XRN2: variants seen among roughly 807,000 people sequenced by gnomAD.
XRN2 encodes the protein 5'-3' exoribonuclease 2.
XRN2 carries 44 observed loss-of-function variants against 138.5 expected under a neutral mutation model. That is an observed-to-expected ratio of 0.32 (90% confidence interval 0.25 to 0.41). The LOEUF is 0.41. Among genes scored for constraint, XRN2 ranks in the 10% least tolerant of loss-of-function variants. The pLI is 1.00. For synonymous variants in XRN2, 354 were observed against 369.4 expected, an observed-to-expected ratio of 0.96 and a Z score of 0.48; for missense variants, 937 against 1,169.3, an observed-to-expected ratio of 0.80 and a Z score of 2.90.
chr20:21,357,966 T>C (rs757716317), intron 24 of XRN2, among the ~76,000 whole-genome samples, 174 bp downstream of exon 24: 1 of 152,232 alleles, frequency 6.6e-6, no homozygotes, highest in Non-Finnish European at 1.5e-5. Flanking sequence ...CTCTAAATTA[T>C]GTATATTGTT....
At chr20:21,338,968 A>C (rs1313325179) in intron 13 of XRN2, 76 bp from the exon 14 acceptor site, 5 of 1,421,372 alleles carry the variant, frequency 3.5e-6, no homozygotes, top group African/African-American at 1.4e-5. Flanking sequence ...TTGTCTCCCA[A>C]ATCATTCCTG....
At chr20:21,336,404 G>T (rs1357907090) in intron 13 of XRN2, among the ~76,000 whole-genome samples, 2 of 152,186 alleles carry the variant, frequency 1.3e-5, no homozygotes, top group African/African-American at 4.8e-5. Context: ...GGAGGCTGCA[G>T]TGAGCTGGGA....
intron 1 of XRN2, 34 bp downstream of exon 1, chr20:21,303,507 C>T (rs748619018): frequency 1.3e-6 from 2 of 1,533,702 alleles, no homozygotes; most frequent in Admixed American, 2.0e-5. Context: ...CACACTCGAG[C>T]CCGGGCCCCC....
chr20:21,333,998 A>G lies in XRN2; in HGVS notation c.1125+4A>G, dbSNP rs368928634. The G allele has an allele frequency of 6.2e-7, 1 of 1,614,010 alleles. No homozygotes were observed. Among genetic ancestry groups the G allele is most frequent in the Non-Finnish European group, 8.5e-7 (1 of 1,179,996 alleles). On this transcript the variant is annotated splice_donor_region_variant and intron_variant, in intron 12 of 29. Transcript: ENST00000377191. ...AAATGTGGTACACAAAACTGGGGTA[A>G]GTTCATTCTTGAATGATTTCAAAAC...
At chr20:21,376,060 G>C (rs367558695) in intron 27 of XRN2, among the ~76,000 whole-genome samples, 2 of 152,106 alleles carry the variant, frequency 1.3e-5, no homozygotes, top group Non-Finnish European at 2.9e-5. Context: ...GGATGGTCTC[G>C]ATCTCCTGAC....
At chr20:21,354,732 G>A in intron 20 of XRN2, 57 bp from the exon 21 acceptor site, 1 of 1,516,460 alleles carries the variant, frequency 6.6e-7, no homozygotes, top group Non-Finnish European at 9.1e-7. Flanking sequence ...GCAATGATAA[G>A]TTGGAATTTG....
intron 13 of XRN2, among the ~76,000 whole-genome samples, chr20:21,337,015 A>G (rs756715826): frequency 6.6e-6 from 1 of 152,232 alleles, no homozygotes; most frequent in Non-Finnish European, 1.5e-5. Context: ...CAGAGGAGGC[A>G]AAGGAAGAGC....
chr20:21,331,898 T>G, intron 8 of XRN2, 80 bp downstream of exon 8: 1 of 1,495,100 alleles, frequency 6.7e-7, no homozygotes, highest in Non-Finnish European at 9.1e-7. Flanking sequence ...AATGGATTAT[T>G]CATGGTTACC....
chr20:21,339,159 C>G, intron 14 of XRN2, 71 bp downstream of exon 14: 5 of 1,460,116 alleles, frequency 3.4e-6, no homozygotes, highest in Non-Finnish European at 4.8e-6. Context: ...ATGTTCATTA[C>G]AGTAGCTTTA....
intron 1 of XRN2, among the ~76,000 whole-genome samples, chr20:21,310,507 G>T (rs2037865065): frequency 6.6e-6 from 1 of 152,070 alleles, no homozygotes; most frequent in Non-Finnish European, 1.5e-5. Context: ...GCTTAACATT[G>T]TTCTAGTTTT....
intron 28 of XRN2, 125 bp from the exon 29 acceptor site, chr20:21,386,743 T>A: frequency 8.2e-7 from 1 of 1,220,528 alleles, no homozygotes; most frequent in South Asian, 1.5e-5. Flanking sequence ...TGATACTCTG[T>A]ATCCCATATG....
Position 21,368,431 on chromosome 20 carries a change from AT to A in XRN2, c.2457-23del, listed in dbSNP as rs762416384. 175 of 1,598,994 alleles carry A rather than the reference AT, an allele frequency of 1.1e-4. 1 individual carries two copies. The Middle Eastern group carries it at 2.0e-3, about 18-fold the overall frequency. ...GTTATGATGGGTATATCACTATACA[AT>A]TTTTTTTTCTTGTGTTGGGTCCTTT... is the stretch of plus-strand genomic sequence containing the variant. On this transcript the variant is annotated intron_variant, in intron 26 of 29. Coordinates refer to ENST00000377191, the MANE Select transcript of XRN2 (RefSeq NM_012255.5).
chr20:21,384,001 C>T (rs755747646), intron 28 of XRN2, among the ~76,000 whole-genome samples: 1 of 152,164 alleles, frequency 6.6e-6, no homozygotes, highest in Non-Finnish European at 1.5e-5. Flanking sequence ...AGTATGTTTC[C>T]ACGACGCTAC....
intron 27 of XRN2, among the ~76,000 whole-genome samples, chr20:21,373,785 T>C (rs2122333742): frequency 6.6e-6 from 1 of 152,362 alleles, no homozygotes; most frequent in Middle Eastern, 3.4e-3. Flanking sequence ...GTTTGTGTGA[T>C]GGTAGTGTTC....
chr20:21,334,305 A>C, intron 13 of XRN2, 120 bp downstream of exon 13: 1 of 788,548 alleles, frequency 1.3e-6, no homozygotes, highest in Non-Finnish European at 2.0e-6. Flanking sequence ...TGTCAACACT[A>C]ATGTAATCAT....
chr20:21,380,155 G>A (rs568761531), intron 27 of XRN2, among the ~76,000 whole-genome samples: 1 of 152,244 alleles, frequency 6.6e-6, no homozygotes, highest in East Asian at 1.9e-4. Context: ...GATTCCAGGG[G>A]ATGTGAAGTA....
chr20:21,338,892 C>A, intron 13 of XRN2, 152 bp from the exon 14 acceptor site: 1 of 647,294 alleles, frequency 1.5e-6, no homozygotes, highest in Non-Finnish European at 2.7e-6. Flanking sequence ...GCATTTTGAA[C>A]ATATAGTCTT....
intron 1 of XRN2, among the ~76,000 whole-genome samples, chr20:21,317,997 G>A (rs1331836848): frequency 2.6e-5 from 4 of 152,168 alleles, no homozygotes; most frequent in South Asian, 2.1e-4. Flanking sequence ...TGAAGAATTC[G>A]TACAAATTCT....
rs564189718 is a variant in XRN2, at chr20:21,357,638, T to A, written c.2199-98T>A. 1.1e-5 allele frequency: 11 copies of A among 966,024 alleles called. No individual in the cohort carries two copies. In the Admixed American group the frequency reaches 2.4e-4, roughly 21 times the overall value. 59.8% of individuals were successfully genotyped at this position (966,024 alleles called of 1,614,324 possible). ...TTTGTTAGTGCATTCTAATGATTTA[T>A]CTTTTCTAAAGACTAACAAACATAG... On this transcript the variant is annotated intron_variant, in intron 23 of 29. Transcript: ENST00000377191.
Sources: allele counts gnomAD v4.1 joint callset (sites outside exome capture counted in the v4.1 genomes callset), GRCh38; gene constraint gnomAD v4.1.1; transcripts MANE v1.5; gene names NCBI Gene and HGNC (gene_info 2026-07-23, HGNC 2026-07-21).